The following TGFBR2 variants were observed in gnomAD, a reference collection of about 807,000 sequenced individuals.
TGFBR2 encodes the protein TGF-beta receptor type-2.
In TGFBR2, 18 loss-of-function variants were observed where a neutral mutation model predicts 49.0. That is an observed-to-expected ratio of 0.37 (90% confidence interval 0.25 to 0.54). The LOEUF is 0.54. Ranked by LOEUF, TGFBR2 falls within the 20% of genes least tolerant of loss-of-function variation. TGFBR2 has a pLI of 0.85. For missense variants in TGFBR2, 525 were observed against 722.6 expected (o/e 0.73, Z 3.13); for synonymous variants, 282 against 275.9 (o/e 1.02, Z -0.22).
chr3:30,614,072 C>T (rs116569860), intron 1 of TGFBR2, among the ~76,000 whole-genome samples: 2,853 of 148,476 alleles, frequency 0.019, 83 homozygotes, highest in African/African-American at 0.066. Context: ...TCTTAGTTTG[C>T]GTTGTCCTGA....
rs1699445885 is a variant in TGFBR2 at position 30,676,740 on chromosome 3, C to T, written c.1396+2494C>T. Among the ~76,000 whole-genome samples, 1 of 152,232 alleles carries T rather than the reference C, an allele frequency of 6.6e-6. No homozygotes were observed. Among genetic ancestry groups the T allele is most frequent in the Non-Finnish European group, 1.5e-5 (1 of 68,040 alleles). The stretch of plus-strand genomic sequence containing the variant: ...GTGGGTCCGGGTCACCCCCTCCCAT[C>T]CTGCACCCTGCTGAACCTCACATGT... On this transcript the variant is annotated intron_variant, in intron 5 of 6. Coordinates refer to ENST00000295754, the MANE Select transcript of TGFBR2 (RefSeq NM_003242.6). This position sits in a 1 kb window ranked among gnomAD's most constrained non-coding sequence, Gnocchi z 4.3.
chr3:30,673,158 C>T (rs11466517), intron 4 of TGFBR2, among the ~76,000 whole-genome samples: 2 of 152,150 alleles, frequency 1.3e-5, no homozygotes, highest in African/African-American at 4.8e-5. Context: ...GCTCAGTCAG[C>T]CCTGTGTCCA....
At chr3:30,620,131 G>A (rs1698202465) in intron 1 of TGFBR2, among the ~76,000 whole-genome samples, 1 of 152,156 alleles carries the variant, frequency 6.6e-6, no homozygotes. Context: ...AGTTTGCAGT[G>A]AGCCGAGATC....
At chr3:30,620,173 T>C (rs897551694) in intron 1 of TGFBR2, among the ~76,000 whole-genome samples, 9 of 152,126 alleles carry the variant, frequency 5.9e-5, no homozygotes, top group East Asian at 5.8e-4. Flanking sequence ...GGCGACAGAG[T>C]GAGACTCTGT....
intron 1 of TGFBR2, among the ~76,000 whole-genome samples, chr3:30,615,478 A>C (rs900042652): frequency 2.6e-5 from 4 of 152,252 alleles, no homozygotes; most frequent in South Asian, 2.1e-4. Flanking sequence ...TGAAGCTGAA[A>C]GGAACTTTTC....
intron 5 of TGFBR2, among the ~76,000 whole-genome samples, chr3:30,682,404 C>T (rs898633571): frequency 2.0e-5 from 3 of 152,192 alleles, no homozygotes; most frequent in African/African-American, 7.2e-5. Flanking sequence ...TAAGCCTTCG[C>T]TTTTTCTCTT....
At chr3:30,678,108 A>G (rs1699470341) in intron 5 of TGFBR2, among the ~76,000 whole-genome samples, 1 of 152,174 alleles carries the variant, frequency 6.6e-6, no homozygotes, top group Non-Finnish European at 1.5e-5. Flanking sequence ...CAGTAAAGGG[A>G]ACCAGATCTC....
At chr3:30,610,553 T>A (rs60702230) in intron 1 of TGFBR2, among the ~76,000 whole-genome samples, 2,188 of 152,158 alleles carry the variant, frequency 0.014, 53 homozygotes, top group African/African-American at 0.05. Flanking sequence ...GGTAGAAGAG[T>A]GTAGGGTATA....
At chr3:30,690,377 C>T (rs72850860) in intron 6 of TGFBR2, among the ~76,000 whole-genome samples, 139 of 152,324 alleles carry the variant, frequency 9.1e-4, no homozygotes, top group African/African-American at 3.0e-3. Flanking sequence ...GGATGGTCTC[C>T]TTGGATGGGA....
chr3:30,672,213 TGGGAGG>T lies in TGFBR2; in HGVS notation c.1031_1036del (p.Trp344_Asp346delinsTyr), dbSNP rs1699355074. 1 of 1,610,722 alleles carries T rather than the reference TGGGAGG, an allele frequency of 6.2e-7. No individual in the cohort carries two copies. Among genetic ancestry groups the T allele is most frequent in the Non-Finnish European group, 8.5e-7 (1 of 1,177,250 alleles). On this transcript the variant is annotated inframe_deletion, in exon 4 of 7. Transcript: ENST00000295754. The surrounding 1 kb of genome is among the most constrained non-coding windows in gnomAD (Gnocchi z 4.5). ...GTACCTGACGCGGCATGTCATCAGC[TGGGAGG>T]ACCTGCGCAAGCTGGGCAGCTCCCT...
intron 1 of TGFBR2, among the ~76,000 whole-genome samples, chr3:30,636,547 T>C (rs1198596047): frequency 6.6e-6 from 1 of 152,138 alleles, no homozygotes; most frequent in Non-Finnish European, 1.5e-5. Context: ...TGAAAACATT[T>C]TTTAAGTACA....
chr3:30,687,168 A>G (rs1168438128), intron 5 of TGFBR2, among the ~76,000 whole-genome samples: 1 of 152,156 alleles, frequency 6.6e-6, no homozygotes, highest in African/African-American at 2.4e-5. Context: ...TTTTATAAAG[A>G]ATTTGACCTT....
intron 1 of TGFBR2, among the ~76,000 whole-genome samples, chr3:30,619,916 G>A (rs1419272346): frequency 2.6e-5 from 4 of 151,614 alleles, no homozygotes; most frequent in Non-Finnish European, 4.4e-5. Flanking sequence ...AGCCAGGCGT[G>A]GTGGCTTATG....
intron 3 of TGFBR2, among the ~76,000 whole-genome samples, chr3:30,652,805 A>G (rs1698919319): frequency 6.6e-6 from 1 of 152,238 alleles, no homozygotes; most frequent in Admixed American, 6.5e-5. Context: ...AAAAGTTGAT[A>G]AATGGCCTGC....
chr3:30,656,002 C>T (rs1039954738), intron 3 of TGFBR2, among the ~76,000 whole-genome samples: 9 of 152,176 alleles, frequency 5.9e-5, no homozygotes, highest in Admixed American at 5.9e-4. Context: ...GTAACAAGGC[C>T]TTCAGTGATT....
intron 1 of TGFBR2, among the ~76,000 whole-genome samples, chr3:30,618,324 G>C (rs1698166923): frequency 6.6e-6 from 1 of 151,330 alleles, no homozygotes; most frequent in South Asian, 2.1e-4. Flanking sequence ...CTGCCTCCTG[G>C]GTTCAAGCGA....
At chr3:30,620,305 T>C (rs1318134482) in intron 1 of TGFBR2, among the ~76,000 whole-genome samples, 1 of 152,226 alleles carries the variant, frequency 6.6e-6, no homozygotes, top group Admixed American at 6.5e-5. Flanking sequence ...TTATGTGTTT[T>C]GTTTGTTGCT....
chr3:30,664,247 G>A (rs1189705913), intron 3 of TGFBR2, among the ~76,000 whole-genome samples: 2 of 151,702 alleles, frequency 1.3e-5, no homozygotes, highest in African/African-American at 4.8e-5. Flanking sequence ...GCCTCACGAA[G>A]TGCTGGGATT....
At chr3:30,663,192 G>C (rs982084799) in intron 3 of TGFBR2, among the ~76,000 whole-genome samples, 8 of 152,182 alleles carry the variant, frequency 5.3e-5, no homozygotes, top group African/African-American at 1.2e-4. Flanking sequence ...TTCTGTGTGT[G>C]TGTGTGTGTA....
Sources: allele counts gnomAD v4.1 joint callset (sites outside exome capture counted in the v4.1 genomes callset), GRCh38; gene constraint gnomAD v4.1.1; non-coding constraint Gnocchi (gnomAD v3.1); transcripts MANE v1.5; gene names NCBI Gene and HGNC (gene_info 2026-07-23, HGNC 2026-07-21).